EML4: variants seen among roughly 807,000 people sequenced by gnomAD.
The protein encoded by EML4 is EMAP like 4.
Under a neutral mutation model 129.0 loss-of-function variants are expected in EML4, and 72 were observed. The ratio of observed to expected loss-of-function variants is 0.56; its 90% CI spans 0.46 to 0.68. The LOEUF is 0.68. Among genes scored for constraint, EML4 ranks in the 30% least tolerant of loss-of-function variants. The pLI, the probability that EML4 is intolerant of heterozygous loss-of-function variation, is 0.00. For synonymous variants in EML4, 532 were observed against 405.0 expected (o/e 1.31, Z -3.77); for missense variants, 1,363 against 1,190.6 (o/e 1.14, Z -2.13).
intron 11 of EML4, among the ~76,000 whole-genome samples, 171 bp from the exon 12 acceptor site, chr2:42,294,954 A>G (rs537764115): frequency 6.6e-5 from 10 of 152,218 alleles, no homozygotes; most frequent in Non-Finnish European, 1.5e-4. Flanking sequence ...CATCAAATTT[A>G]AATCATCCCA....
At chr2:42,296,473 A>ACT (rs35686098) in intron 13 of EML4, among the ~76,000 whole-genome samples, 1 of 92,930 alleles carries the variant, frequency 1.1e-5, no homozygotes, top group Non-Finnish European at 2.1e-5. Context: ...ACAACACCTT[A>ACT]TACTTCTCTC....
At chr2:42,219,678 GA>G (rs1390419911) in intron 1 of EML4, among the ~76,000 whole-genome samples, 5 of 152,084 alleles carry the variant, frequency 3.3e-5, no homozygotes. Context: ...AGGATTTTGG[GA>G]GGCCGAGGTG....
At chr2:42,236,149 A>G (rs1382545972) in intron 1 of EML4, among the ~76,000 whole-genome samples, 1 of 152,174 alleles carries the variant, frequency 6.6e-6, no homozygotes, top group Non-Finnish European at 1.5e-5. Flanking sequence ...TTTATTCTAA[A>G]CATTGTATTA....
chr2:42,245,827 C>A, intron 2 of EML4, 140 bp downstream of exon 2: 2 of 763,318 alleles, frequency 2.6e-6, no homozygotes, highest in Non-Finnish European at 3.9e-6. Context: ...TTTTAATTCC[C>A]AAAAAGTTCT....
At chr2:42,221,403 C>CTTTTTTTTTTTTTTTTTTT (rs74816568) in intron 1 of EML4, among the ~76,000 whole-genome samples, 2 of 108,256 alleles carry the variant, frequency 1.8e-5, no homozygotes, top group African/African-American at 6.6e-5. Flanking sequence ...ACATGGTTTA[C>CTTTTTTTTTTTTTTTTTTT]TTTTTTTTTT....
chr2:42,275,977 G>C (rs1435573909), intron 6 of EML4, among the ~76,000 whole-genome samples: 1 of 152,080 alleles, frequency 6.6e-6, no homozygotes, highest in Non-Finnish European at 1.5e-5. Flanking sequence ...GTGAAGACAG[G>C]TAGAAAGTAG....
In EML4 at chr2:42,244,505, T is replaced by C. The variant is rs1675259707; in HGVS notation, c.26-1000T>C. On this transcript the variant is annotated intron_variant, in intron 1 of 22. Transcript: ENST00000318522. The stretch of plus-strand genomic sequence containing the variant: ...TCCTTTGTAATTGCTGTGGTATAGC[T>C]AAGCCTTATTTGAATAGTCTTTCTC... Among the ~76,000 whole-genome samples the C allele has an allele frequency of 2.0e-5, 3 of 152,242 alleles. No individual in the cohort carries two copies. The South Asian group carries it at 6.2e-4, about 31-fold the overall frequency.
chr2:42,223,660 C>T (rs1038889807), intron 1 of EML4, among the ~76,000 whole-genome samples: 1 of 152,082 alleles, frequency 6.6e-6, no homozygotes, highest in African/African-American at 2.4e-5. Flanking sequence ...TAGCCCAGAT[C>T]TCTAATGTAT....
intron 1 of EML4, among the ~76,000 whole-genome samples, chr2:42,235,311 G>A (rs974105709): frequency 4.7e-4 from 70 of 148,964 alleles, no homozygotes; most frequent in African/African-American, 1.7e-3. Flanking sequence ...AAAAAAAAAA[G>A]TAGCAGAGCA....
In EML4 at chr2:42,331,905, C is replaced by A. The variant is rs1196976290; in HGVS notation, c.*1698C>A. 2 of 141,096 alleles carry A rather than the reference C, an allele frequency of 1.4e-5. No individual in the cohort carries two copies. Among genetic ancestry groups the A allele is most frequent in the East Asian group, 1.7e-4 (2 of 11,902 alleles). 8.7% of individuals were successfully genotyped at this position (141,096 alleles called of 1,614,324 possible). ...TGTAGATCTCTATGTGTATAGGTAT[C>A]TGTATATCTTTCCTTTTGTTTACAA... On this transcript the variant is annotated 3_prime_UTR_variant, in exon 23 of 23. Transcript: ENST00000318522.
intron 3 of EML4, among the ~76,000 whole-genome samples, chr2:42,260,232 A>G (rs934861931): frequency 3.3e-5 from 5 of 151,862 alleles, no homozygotes; most frequent in South Asian, 2.1e-4. Context: ...CAATGGTGCA[A>G]TCTCCGCTCA....
chr2:42,256,859 A>G (rs1490354340), intron 3 of EML4, among the ~76,000 whole-genome samples: 1 of 152,242 alleles, frequency 6.6e-6, no homozygotes, highest in Non-Finnish European at 1.5e-5. Context: ...AAAGAAAGAA[A>G]GCAGTTTCAT....
intron 1 of EML4, among the ~76,000 whole-genome samples, chr2:42,173,692 A>T (rs1477471505): frequency 1.3e-5 from 2 of 151,894 alleles, no homozygotes; most frequent in Non-Finnish European, 2.9e-5. Flanking sequence ...CTGCAAAAAA[A>T]ACAAAAATAG....
chr2:42,210,761 T>G (rs1672843232), intron 1 of EML4, among the ~76,000 whole-genome samples: 1 of 152,208 alleles, frequency 6.6e-6, no homozygotes, highest in Admixed American at 6.5e-5. Flanking sequence ...ATAGGTTGGC[T>G]CCTATGTTCC....
intron 1 of EML4, among the ~76,000 whole-genome samples, chr2:42,230,122 T>G (rs1031835361): frequency 1.3e-5 from 2 of 152,206 alleles, no homozygotes; most frequent in Non-Finnish European, 2.9e-5. Context: ...ACCAAACTAA[T>G]AAGTGTCTTT....
At chr2:42,202,609 G>T (rs1205846320) in intron 1 of EML4, among the ~76,000 whole-genome samples, 1 of 152,146 alleles carries the variant, frequency 6.6e-6, no homozygotes, top group African/African-American at 2.4e-5. Context: ...TTGAGGGCAG[G>T]AACCATCCAG....
chr2:42,245,777 G>A, intron 2 of EML4, 90 bp downstream of exon 2: 4 of 1,214,516 alleles, frequency 3.3e-6, no homozygotes, highest in South Asian at 1.7e-5. Context: ...AGTTTCTTAT[G>A]TGGATTACTT....
chr2:42,235,565 G>A (rs1264482618), intron 1 of EML4, among the ~76,000 whole-genome samples: 1 of 152,136 alleles, frequency 6.6e-6, no homozygotes, highest in African/African-American at 2.4e-5. Flanking sequence ...CTAATCTTCT[G>A]CCATTACCAT....
chr2:42,211,020 T>C (rs1672855968), intron 1 of EML4, among the ~76,000 whole-genome samples: 1 of 152,214 alleles, frequency 6.6e-6, no homozygotes, highest in Non-Finnish European at 1.5e-5. Context: ...AGAAGGTCCA[T>C]GTAATCTTCT....
Sources: gnomAD v4.1 joint callset for allele counts (sites outside exome capture counted in the v4.1 genomes callset) on GRCh38, gnomAD v4.1.1 for gene constraint, MANE v1.5 for transcripts, NCBI Gene and HGNC (gene_info 2026-07-23, HGNC 2026-07-21) for gene names.